The following NRG1 variants were observed in gnomAD, a reference collection of about 807,000 sequenced individuals.
NRG1 encodes neuregulin 1, also known as pro-neuregulin-1, membrane-bound isoform.
A neutral mutation model predicts 63.8 loss-of-function variants in NRG1; 18 were observed. The observed-to-expected ratio is 0.28, with a 90% CI of 0.19 to 0.42. The LOEUF (loss-of-function observed/expected upper bound fraction) is 0.42. Ranked by LOEUF, NRG1 falls within the 10% of genes least tolerant of loss-of-function variation. NRG1 has a pLI of 1.00. For missense variants in NRG1, 762 were observed against 814.7 expected, an observed-to-expected ratio of 0.94 and a Z score of 0.79; for synonymous variants, 302 against 301.3, an observed-to-expected ratio of 1.00 and a Z score of -0.02.
At chr8:32,373,063 T>C (rs1164814668) in intron 1 of NRG1, among the ~76,000 whole-genome samples, 1 of 152,104 alleles carries the variant, frequency 6.6e-6, no homozygotes, top group Non-Finnish European at 1.5e-5. Context: ...CGATAAGCCC[T>C]TGGGGTGTGT....
At chr8:32,319,778 G>C (rs1275225303) in intron 1 of NRG1, among the ~76,000 whole-genome samples, 2 of 151,994 alleles carry the variant, frequency 1.3e-5, no homozygotes, top group African/African-American at 4.8e-5. Context: ...ATCTCCAATG[G>C]ATTAATGAAG....
At chr8:31,756,943 C>T (rs1248093930) in intron 1 of NRG1, among the ~76,000 whole-genome samples, 2 of 152,070 alleles carry the variant, frequency 1.3e-5, no homozygotes, top group Non-Finnish European at 2.9e-5. Flanking sequence ...AGGGTATTAG[C>T]AATACATTAA....
chr8:32,102,631 TA>T (rs1379370280), intron 1 of NRG1, among the ~76,000 whole-genome samples: 3 of 152,172 alleles, frequency 2.0e-5, no homozygotes, highest in Admixed American at 6.5e-5. Context: ...TGCTCCCTGT[TA>T]GGGGCACCTG....
chr8:32,296,297 A>G (rs1854854140), intron 1 of NRG1, among the ~76,000 whole-genome samples: 1 of 152,086 alleles, frequency 6.6e-6, no homozygotes, highest in Non-Finnish European at 1.5e-5. Flanking sequence ...AATGTTCAAA[A>G]CTTCCTTAAT....
intron 1 of NRG1, among the ~76,000 whole-genome samples, chr8:32,178,928 A>G (rs1382604118): frequency 6.6e-6 from 1 of 152,094 alleles, no homozygotes; most frequent in Non-Finnish European, 1.5e-5. Context: ...ATAGAAACTG[A>G]TGGACATAAG....
At chr8:32,462,897 C>G (rs1282892734) in intron 1 of NRG1, among the ~76,000 whole-genome samples, 1 of 152,068 alleles carries the variant, frequency 6.6e-6, no homozygotes, top group Non-Finnish European at 1.5e-5. Flanking sequence ...AGCCACCATG[C>G]CTGGCCTAGA....
At chr8:32,104,781 C>G (rs1189362102) in intron 1 of NRG1, among the ~76,000 whole-genome samples, 1 of 152,120 alleles carries the variant, frequency 6.6e-6, no homozygotes, top group Non-Finnish European at 1.5e-5. Flanking sequence ...TGTCTTCCAC[C>G]TCCACATCTT....
At chr8:31,921,259 C>CA (rs1233372507) in intron 1 of NRG1, among the ~76,000 whole-genome samples, 3 of 152,100 alleles carry the variant, frequency 2.0e-5, no homozygotes, top group Non-Finnish European at 4.4e-5. Flanking sequence ...GATAACCAAT[C>CA]AAATTTGTCT....
chr8:31,890,565 CTAGAGT>C (rs1197648864), intron 1 of NRG1, among the ~76,000 whole-genome samples: 1 of 152,018 alleles, frequency 6.6e-6, no homozygotes, highest in African/African-American at 2.4e-5. Context: ...ATGACATTTC[CTAGAGT>C]TAAAGAAAGG....
chr8:31,900,884 C>T (rs1413742795), intron 1 of NRG1, among the ~76,000 whole-genome samples: 1 of 152,180 alleles, frequency 6.6e-6, no homozygotes, highest in Non-Finnish European at 1.5e-5. Flanking sequence ...GAGCAACTGG[C>T]AGTAAGTGCC....
chr8:32,313,504 A>G (rs1461251178), intron 1 of NRG1, among the ~76,000 whole-genome samples: 1 of 152,174 alleles, frequency 6.6e-6, no homozygotes, highest in Non-Finnish European at 1.5e-5. Flanking sequence ...ATTCACAAGG[A>G]GCCATGTCTT....
chr8:32,229,667 A>C (rs1210233750), intron 1 of NRG1, among the ~76,000 whole-genome samples: 1 of 152,122 alleles, frequency 6.6e-6, no homozygotes, highest in Admixed American at 6.5e-5. Flanking sequence ...CAATGCGGAA[A>C]ACGCTGCCAA....
chr8:31,807,284 G>T (rs905495400), intron 1 of NRG1, among the ~76,000 whole-genome samples: 1 of 152,178 alleles, frequency 6.6e-6, no homozygotes. Context: ...TACTGAATGT[G>T]ACCCTTATAT....
chr8:32,760,961 G>A (rs1830585992), intron 11 of NRG1: 1 of 986,344 alleles, frequency 1.0e-6, no homozygotes, highest in Non-Finnish European at 1.2e-6. Flanking sequence ...TTCCAAGAAG[G>A]GATGAATAAA....
chr8:32,569,758 T>C (rs1450498049), intron 1 of NRG1, among the ~76,000 whole-genome samples: 3 of 152,074 alleles, frequency 2.0e-5, no homozygotes, highest in Non-Finnish European at 4.4e-5. Context: ...TGTGAGCTCA[T>C]TGTTTTTTAA....
At chr8:31,823,547 G>A (rs1003806970) in intron 1 of NRG1, among the ~76,000 whole-genome samples, 1 of 152,124 alleles carries the variant, frequency 6.6e-6, no homozygotes, top group Non-Finnish European at 1.5e-5. Context: ...ATCTGGTCAG[G>A]TCAGTTCAAT....
intron 1 of NRG1, among the ~76,000 whole-genome samples, chr8:31,824,238 C>G (rs915061234): frequency 2.1e-5 from 3 of 141,980 alleles, no homozygotes; most frequent in African/African-American, 7.9e-5. Flanking sequence ...AGTGTTCTCA[C>G]TGTTCAATTC....
intron 1 of NRG1, among the ~76,000 whole-genome samples, chr8:31,921,372 A>G (rs1233573023): frequency 6.6e-6 from 1 of 152,144 alleles, no homozygotes; most frequent in Non-Finnish European, 1.5e-5. Flanking sequence ...TACAGCCTGT[A>G]GGATGCCAAG....
intron 1 of NRG1, among the ~76,000 whole-genome samples, chr8:32,052,789 T>A (rs1467148177): frequency 6.6e-6 from 1 of 152,166 alleles, no homozygotes; most frequent in Non-Finnish European, 1.5e-5. Flanking sequence ...TGCCATAATT[T>A]TTAATAGTTA....
Sources: gnomAD v4.1 joint callset for allele counts (sites outside exome capture counted in the v4.1 genomes callset) on GRCh38, gnomAD v4.1.1 for gene constraint, MANE v1.5 for transcripts, NCBI Gene and HGNC (gene_info 2026-07-23, HGNC 2026-07-21) for gene names.